BNIP3L: variants seen among roughly 807,000 people sequenced by gnomAD.
The protein encoded by BNIP3L is BCL2 interacting protein 3 like, also known as BCL2/adenovirus E1B 19 kDa protein-interacting protein 3-like.
A neutral mutation model predicts 25.5 loss-of-function variants in BNIP3L; 10 were observed. The observed-to-expected ratio is 0.39, with a 90% CI of 0.24 to 0.67. The LOEUF is 0.67. Among genes scored for constraint, BNIP3L ranks in the 30% least tolerant of loss-of-function variants. The pLI is 0.45. For missense variants in BNIP3L, 215 were observed against 270.9 expected (o/e 0.79, Z 1.45); for synonymous variants, 113 against 101.2 (o/e 1.12, Z -0.70).
chr8:26,395,521 T>C lies in BNIP3L; in HGVS notation c.357+219T>C, dbSNP rs1806214392. 5.7e-6 allele frequency: 3 copies of C among 524,858 alleles called. No individual in the cohort carries two copies. The South Asian group carries it at 8.1e-5, about 14-fold the overall frequency. 32.5% of individuals were successfully genotyped at this position (524,858 alleles called of 1,614,324 possible). On this transcript the variant is annotated intron_variant, in intron 3 of 5. Transcript: ENST00000380629. ...CACTCTAAACGAATTGGAAAATTCT[T>C]GTCCATAATAAATCATGCCAATACT...
chr8:26,390,921 T>C (rs1343370385), intron 1 of BNIP3L, among the ~76,000 whole-genome samples: 1 of 151,540 alleles, frequency 6.6e-6, no homozygotes, highest in Non-Finnish European at 1.5e-5. Flanking sequence ...AAAGTAGCAA[T>C]TTTTTTTTGA....
At chr8:26,394,759 T>C (rs975144542) in intron 2 of BNIP3L, among the ~76,000 whole-genome samples, 4 of 152,148 alleles carry the variant, frequency 2.6e-5, no homozygotes, top group Admixed American at 2.6e-4. Context: ...TAAATCCTAC[T>C]AGTATTGAGA....
At chr8:26,403,260 A>T (rs1285408281) in intron 3 of BNIP3L, among the ~76,000 whole-genome samples, 1 of 152,220 alleles carries the variant, frequency 6.6e-6, no homozygotes, top group Non-Finnish European at 1.5e-5. Flanking sequence ...TTAAACTTTC[A>T]AAAACCTTTG....
intron 1 of BNIP3L, among the ~76,000 whole-genome samples, chr8:26,388,300 TATTC>T (rs1806033371): frequency 6.6e-6 from 1 of 152,244 alleles, no homozygotes; most frequent in Non-Finnish European, 1.5e-5. Flanking sequence ...CTGCGTGCTA[TATTC>T]ATTTAATCCT....
At chr8:26,406,154 G>A (rs1203249359) in intron 3 of BNIP3L, among the ~76,000 whole-genome samples, 1 of 152,062 alleles carries the variant, frequency 6.6e-6, no homozygotes, top group Non-Finnish European at 1.5e-5. Flanking sequence ...ATTGTTCTTG[G>A]CCTGAAACTT....
In BNIP3L at chr8:26,410,300, C is replaced by T. The variant is rs577312172; in HGVS notation, c.612-64C>T. On this transcript the variant is annotated intron_variant, in intron 5 of 5. Transcript: ENST00000380629. ...TGAAGAGTTTTAAGTAGAGTTCAAC[C>T]TGTGGACAAGCTGGTATAGAACTGT... 2.0e-5 allele frequency: 32 copies of T among 1,589,138 alleles called. 1 individual carries two copies. The South Asian group carries it at 3.2e-4, about 16-fold the overall frequency.
At chr8:26,392,171 GTTT>G (rs369100652) in intron 2 of BNIP3L, among the ~76,000 whole-genome samples, 2 of 110,402 alleles carry the variant, frequency 1.8e-5, no homozygotes, top group South Asian at 2.9e-4. Flanking sequence ...AAACTTTTCT[GTTT>G]TTTTTTTTTT....
chr8:26,387,209 G>A (rs1806011316), intron 1 of BNIP3L, among the ~76,000 whole-genome samples: 2 of 152,168 alleles, frequency 1.3e-5, no homozygotes, highest in East Asian at 3.9e-4. Flanking sequence ...CACAATTATT[G>A]GACCACCCTT....
chr8:26,404,161 A>G lies in BNIP3L; in HGVS notation c.358-3839A>G, dbSNP rs1454771312. ...ACTGCTTTTCGGATGATCATCCTCAAGAGTCTCAGTTTTGTATCAGAAAAC... is the reference window on the plus strand; with the variant it reads ...ACTGCTTTTCGGATGATCATCCTCAGGAGTCTCAGTTTTGTATCAGAAAAC... On this transcript the variant is annotated intron_variant, in intron 3 of 5. Coordinates refer to ENST00000380629, the MANE Select transcript of BNIP3L (RefSeq NM_004331.3). Among the ~76,000 whole-genome samples the G allele has an allele frequency of 2.0e-5, 3 of 152,232 alleles. No homozygotes were observed. The East Asian group carries it at 5.8e-4, about 29-fold the overall frequency.
intron 1 of BNIP3L, 73 bp from the exon 2 acceptor site, chr8:26,391,170 A>G (rs1301021653): frequency 1.5e-6 from 2 of 1,296,734 alleles, no homozygotes; most frequent in African/African-American, 1.5e-5. Context: ...ATCTGGATTC[A>G]CCATGTTCAC....
intron 1 of BNIP3L, among the ~76,000 whole-genome samples, chr8:26,387,637 T>C (rs554473035): frequency 6.6e-6 from 1 of 152,340 alleles, no homozygotes; most frequent in South Asian, 2.1e-4. Context: ...CATTTGCTTT[T>C]TTATGTGTTA....
intron 4 of BNIP3L, 36 bp downstream of exon 4, chr8:26,408,139 T>A (rs747260723): frequency 1.2e-6 from 2 of 1,612,396 alleles, no homozygotes; most frequent in Non-Finnish European, 1.7e-6. Flanking sequence ...GTGGACACAG[T>A]TGATCTGCGC....
At position 26,405,106 on chromosome 8, in the gene BNIP3L, C is replaced by G. The variant is rs542446074; in HGVS notation, c.358-2894C>G. 3.3e-5 allele frequency among the ~76,000 whole-genome samples: 5 copies of G among 151,926 alleles called. No individual in the cohort carries two copies. In the South Asian group the frequency reaches 6.3e-4, roughly 19 times the overall value. On this transcript the variant is annotated intron_variant, in intron 3 of 5. Transcript: ENST00000380629. Reference sequence around the variant, plus strand: ...TGTCCAGAGATAACTTTGCTTCATTCAACTGAGAAAATTCCATCCTCATGA... The same window carrying G: ...TGTCCAGAGATAACTTTGCTTCATTGAACTGAGAAAATTCCATCCTCATGA...
At chr8:26,383,268 GA>G (rs775094762) in intron 1 of BNIP3L, 38 bp downstream of exon 1, 2 of 1,583,572 alleles carry the variant, frequency 1.3e-6, no homozygotes, top group Non-Finnish European at 1.7e-6. Context: ...GGGGATGGGG[GA>G]GGAGGAGCAG....
chr8:26,385,239 C>T (rs1212091717), intron 1 of BNIP3L, among the ~76,000 whole-genome samples: 1 of 152,070 alleles, frequency 6.6e-6, no homozygotes, highest in Non-Finnish European at 1.5e-5. Context: ...GGTAGGTGTA[C>T]GTGATTTCAC....
chr8:26,401,862 CTG>C (rs1806390605), intron 3 of BNIP3L, among the ~76,000 whole-genome samples: 2 of 152,134 alleles, frequency 1.3e-5, no homozygotes, highest in African/African-American at 2.4e-5. Context: ...AAGTATATAA[CTG>C]TGGCTAATGA....
chr8:26,383,708 G>C (rs1805914639), intron 1 of BNIP3L, among the ~76,000 whole-genome samples: 1 of 151,320 alleles, frequency 6.6e-6, no homozygotes, highest in South Asian at 2.1e-4. Context: ...TGCGGGGCTC[G>C]CGGGCGGGCA....
At chr8:26,386,979 C>A (rs1186686208) in intron 1 of BNIP3L, among the ~76,000 whole-genome samples, 1 of 151,928 alleles carries the variant, frequency 6.6e-6, no homozygotes, top group Non-Finnish European at 1.5e-5. Flanking sequence ...GGATTCCTTT[C>A]AATAATGAAT....
chr8:26,391,928 A>G (rs564097203), intron 2 of BNIP3L, among the ~76,000 whole-genome samples: 2 of 152,374 alleles, frequency 1.3e-5, no homozygotes, highest in Admixed American at 1.3e-4. Context: ...TAGGAACTGC[A>G]GGTTGCTTCA....
Sources: allele counts gnomAD v4.1 joint callset (sites outside exome capture counted in the v4.1 genomes callset), GRCh38; gene constraint gnomAD v4.1.1; transcripts MANE v1.5; gene names NCBI Gene and HGNC (gene_info 2026-07-23, HGNC 2026-07-21).